Variants in GALNT17 observed in about 807,000 individuals in gnomAD.
GALNT17 encodes UDP-GalNAc:polypeptide N-acetylgalactosaminyltransferase-like 3.
Under a neutral mutation model 63.7 loss-of-function variants are expected in GALNT17, and 29 were observed. That is an observed-to-expected ratio of 0.46 (90% CI 0.34 to 0.62). The LOEUF (loss-of-function observed/expected upper bound fraction) is 0.62. Ranked by LOEUF, GALNT17 falls within the 20% of genes least tolerant of loss-of-function variation. The pLI is 0.01. For missense variants in GALNT17, 603 were observed against 799.6 expected (o/e 0.75, Z 2.97); for synonymous variants, 305 against 318.3 (o/e 0.96, Z 0.45).
intron 1 of GALNT17, among the ~76,000 whole-genome samples, chr7:71,260,215 A>G (rs1448252678): frequency 6.6e-6 from 1 of 152,130 alleles, no homozygotes; most frequent in Admixed American, 6.6e-5. Context: ...AGGCAGAAAC[A>G]TCATAGATAT....
At chr7:71,350,361 T>C (rs1176833870) in intron 2 of GALNT17, among the ~76,000 whole-genome samples, 1 of 152,048 alleles carries the variant, frequency 6.6e-6, no homozygotes, top group Non-Finnish European at 1.5e-5. Flanking sequence ...GATGATAAAC[T>C]GGGAAAAATA....
At chr7:71,226,333 C>G (rs972427702) in intron 1 of GALNT17, among the ~76,000 whole-genome samples, 1 of 152,096 alleles carries the variant, frequency 6.6e-6, no homozygotes, top group Non-Finnish European at 1.5e-5. Flanking sequence ...GCCTGGGAAC[C>G]CCGGGGTGGA....
At chr7:71,373,438 G>T (rs1203014548) in intron 2 of GALNT17, among the ~76,000 whole-genome samples, 1 of 152,118 alleles carries the variant, frequency 6.6e-6, no homozygotes, top group Non-Finnish European at 1.5e-5. Context: ...TTGTCTGCCA[G>T]GACCGAGTCT....
At chr7:71,390,684 G>A (rs1018953535) in intron 3 of GALNT17, among the ~76,000 whole-genome samples, 16 of 152,134 alleles carry the variant, frequency 1.1e-4, no homozygotes, top group African/African-American at 3.9e-4. Flanking sequence ...ATTTTCCCCA[G>A]GCCAGAAATC....
At chr7:71,281,829 C>T (rs1790783182) in intron 1 of GALNT17, among the ~76,000 whole-genome samples, 1 of 152,148 alleles carries the variant, frequency 6.6e-6, no homozygotes, top group African/African-American at 2.4e-5. Flanking sequence ...TGGTTTTCTA[C>T]TTGATGTTTT....
At chr7:71,443,878 C>T (rs1787112881) in intron 5 of GALNT17, among the ~76,000 whole-genome samples, 1 of 152,130 alleles carries the variant, frequency 6.6e-6, no homozygotes, top group Non-Finnish European at 1.5e-5. Flanking sequence ...GCGCCTGCCA[C>T]CACCCCTCGC....
intron 5 of GALNT17, among the ~76,000 whole-genome samples, chr7:71,477,153 A>C (rs1181437493): frequency 6.6e-6 from 1 of 152,236 alleles, no homozygotes; most frequent in Admixed American, 6.5e-5. Context: ...CATCATTATC[A>C]TCAATCACCA....
chr7:71,580,375 ATGATAGATAAAT>A (rs1405627011), intron 6 of GALNT17, among the ~76,000 whole-genome samples: 4 of 149,496 alleles, frequency 2.7e-5, no homozygotes, highest in African/African-American at 9.8e-5. Flanking sequence ...ATATAAATAG[ATGATAGATAAAT>A]TGATAGATGG....
intron 5 of GALNT17, among the ~76,000 whole-genome samples, chr7:71,511,331 G>C (rs1788352200): frequency 6.6e-6 from 1 of 152,112 alleles, no homozygotes; most frequent in Non-Finnish European, 1.5e-5. Flanking sequence ...TGGGTAATAG[G>C]GGTTGAGGGG....
intron 6 of GALNT17, among the ~76,000 whole-genome samples, chr7:71,633,674 G>A (rs1469027369): frequency 6.6e-6 from 1 of 152,136 alleles, no homozygotes; most frequent in Non-Finnish European, 1.5e-5. Context: ...GGTGGAATTT[G>A]TTCTTGAAGC....
chr7:71,437,750 T>A (rs1339102269), intron 5 of GALNT17, among the ~76,000 whole-genome samples: 1 of 152,236 alleles, frequency 6.6e-6, no homozygotes, highest in Non-Finnish European at 1.5e-5. Context: ...GGTCTCACTC[T>A]GCCACCCAGG....
intron 1 of GALNT17, among the ~76,000 whole-genome samples, chr7:71,187,370 C>G (rs1209725139): frequency 6.6e-6 from 1 of 150,832 alleles, no homozygotes. Context: ...GATCCTCCCT[C>G]TTTAAAAGTC....
chr7:71,562,647 G>A (rs75227407), intron 5 of GALNT17, among the ~76,000 whole-genome samples: 10,788 of 152,186 alleles, frequency 0.071, 386 homozygotes, highest in South Asian at 0.11. Context: ...GCGGTAATGC[G>A]AGTGATGGGA....
intron 1 of GALNT17, among the ~76,000 whole-genome samples, chr7:71,163,737 G>A (rs913854383): frequency 1.1e-4 from 16 of 152,174 alleles, no homozygotes; most frequent in African/African-American, 3.9e-4. Flanking sequence ...AATTCTGAAG[G>A]CCTCTTAGAT....
At chr7:71,547,294 A>G (rs552274315) in intron 5 of GALNT17, among the ~76,000 whole-genome samples, 1 of 152,064 alleles carries the variant, frequency 6.6e-6, no homozygotes, top group African/African-American at 2.4e-5. Flanking sequence ...CCTCCCGAGT[A>G]CCTGGGATTA....
At chr7:71,133,864 T>G (rs1186605688) in intron 1 of GALNT17, among the ~76,000 whole-genome samples, 1 of 152,188 alleles carries the variant, frequency 6.6e-6, no homozygotes, top group African/African-American at 2.4e-5. Flanking sequence ...CAGGCAGGTT[T>G]CCAGGATGCG....
chr7:71,469,299 A>C (rs1044118831), intron 5 of GALNT17, among the ~76,000 whole-genome samples: 1 of 152,222 alleles, frequency 6.6e-6, no homozygotes, highest in African/African-American at 2.4e-5. Context: ...CACCGTGTGC[A>C]AGTTATTTAA....
chr7:71,302,392 A>G (rs1011673373), intron 1 of GALNT17, among the ~76,000 whole-genome samples: 1 of 152,218 alleles, frequency 6.6e-6, no homozygotes, highest in Non-Finnish European at 1.5e-5. Context: ...GAGTCTCAGT[A>G]TGCTGTCCAG....
At chr7:71,611,975 C>T (rs1300846224) in intron 6 of GALNT17, among the ~76,000 whole-genome samples, 1 of 152,114 alleles carries the variant, frequency 6.6e-6, no homozygotes, top group Non-Finnish European at 1.5e-5. Flanking sequence ...CACTTACCAC[C>T]CAGCCACAAT....
Sources: gnomAD v4.1 joint callset for allele counts (sites outside exome capture counted in the v4.1 genomes callset) on GRCh38, gnomAD v4.1.1 for gene constraint, MANE v1.5 for transcripts, NCBI Gene and HGNC (gene_info 2026-07-23, HGNC 2026-07-21) for gene names.